SLC24A2: variants seen among roughly 807,000 people sequenced by gnomAD.
The protein encoded by SLC24A2 is sodium/potassium/calcium exchanger 2.
Under a neutral mutation model 62.0 loss-of-function variants are expected in SLC24A2, and 36 were observed. The ratio of observed to expected loss-of-function variants is 0.58; its 90% CI spans 0.44 to 0.77. The LOEUF is 0.77. Among genes scored for constraint, SLC24A2 ranks in the 30% least tolerant of loss-of-function variants. The pLI is 0.00. For synonymous variants in SLC24A2, 358 were observed against 294.0 expected (o/e 1.22, Z -2.23); for missense variants, 846 against 817.9 (o/e 1.03, Z -0.42).
At chr9:20,266,309 T>C in the SLC24A2 span, among the ~76,000 whole-genome samples, 1 of 152,170 alleles carries the variant, frequency 6.6e-6, no homozygotes, top group Non-Finnish European at 1.5e-5. Context: ...TTAAAATTTC[T>C]CTCTTTTGTA....
the SLC24A2 span, among the ~76,000 whole-genome samples, chr9:19,958,433 C>G: frequency 9.8e-5 from 15 of 152,300 alleles, no homozygotes; most frequent in Admixed American, 7.2e-4. Flanking sequence ...TCCTGCAACC[C>G]AAGCTCCACA....
rs1379221442 is a variant in SLC24A2, at chr9:19,508,909, G to C, written c.*7244C>G. ...AGTGTACCATACTAGGTTAGAAATT[G>C]TGTATTTTAGCGGAGAGGAGGAAAA... On this transcript the variant is annotated 3_prime_UTR_variant, in exon 11 of 11. Transcript: ENST00000341998. 6.6e-6 allele frequency: 1 copy of C among 152,174 alleles called. No individual in the cohort carries two copies. Among genetic ancestry groups the C allele is most frequent in the Non-Finnish European group, 1.5e-5 (1 of 68,044 alleles). The allele number at this position is 152,174 out of a possible 1,614,324, so 9.4% of individuals were successfully genotyped here. A position where few individuals can be genotyped will look rare whatever the true frequency, so the allele number is the denominator to read the frequency against.
At chr9:20,248,538 G>T in the SLC24A2 span, among the ~76,000 whole-genome samples, 1 of 152,094 alleles carries the variant, frequency 6.6e-6, no homozygotes, top group Admixed American at 6.5e-5. Context: ...AAAGGGGCAG[G>T]CTCTCTTGTG....
At chr9:20,048,124 T>C in the SLC24A2 span, among the ~76,000 whole-genome samples, 1 of 152,296 alleles carries the variant, frequency 6.6e-6, no homozygotes, top group East Asian at 1.9e-4. Context: ...CATTACTACA[T>C]GCCAGGAACA....
chr9:19,825,502 C>T, the SLC24A2 span, among the ~76,000 whole-genome samples: 1 of 151,954 alleles, frequency 6.6e-6, no homozygotes, highest in Admixed American at 6.6e-5. Context: ...AATGGGGACT[C>T]ATTCAATATG....
the SLC24A2 span, among the ~76,000 whole-genome samples, chr9:20,099,360 T>G: frequency 6.6e-6 from 1 of 152,236 alleles, no homozygotes; most frequent in Admixed American, 6.5e-5. Context: ...TTACCTTTAT[T>G]TCCTTCTTCT....
At chr9:19,680,249 T>G (rs749744562) in intron 2 of SLC24A2, among the ~76,000 whole-genome samples, 11 of 152,098 alleles carry the variant, frequency 7.2e-5, no homozygotes, top group Non-Finnish European at 1.6e-4. Flanking sequence ...AGGTGTCCCT[T>G]CAGCTGAGTT....
chr9:19,547,646 G>A (rs1347623892), intron 8 of SLC24A2, among the ~76,000 whole-genome samples: 3 of 151,488 alleles, frequency 2.0e-5, no homozygotes, highest in Non-Finnish European at 2.9e-5. Context: ...TCCCATTCCT[G>A]CACATCTTCC....
At chr9:20,042,526 C>A in the SLC24A2 span, among the ~76,000 whole-genome samples, 1 of 152,198 alleles carries the variant, frequency 6.6e-6, no homozygotes, top group African/African-American at 2.4e-5. Context: ...GGAGAAAGCA[C>A]CCACCAAGGT....
the SLC24A2 span, among the ~76,000 whole-genome samples, chr9:20,113,865 C>G: frequency 6.6e-6 from 1 of 152,058 alleles, no homozygotes; most frequent in Non-Finnish European, 1.5e-5. Context: ...CCACATAAAA[C>G]AACTAAAGCA....
At chr9:20,213,889 T>TAGGTATGTAAGATAG in the SLC24A2 span, among the ~76,000 whole-genome samples, 1 of 152,222 alleles carries the variant, frequency 6.6e-6, no homozygotes, top group Non-Finnish European at 1.5e-5. Context: ...GGTATTATGA[T>TAGGTATGTAAGATAG]CTATATCATT....
chr9:20,036,706 T>C, the SLC24A2 span, among the ~76,000 whole-genome samples: 11 of 152,312 alleles, frequency 7.2e-5, 1 homozygote, highest in African/African-American at 2.4e-4. Flanking sequence ...ATTGTGTATA[T>C]ACAGTCATCT....
At chr9:19,782,790 A>G (rs533829034) in intron 2 of SLC24A2, among the ~76,000 whole-genome samples, 4 of 152,284 alleles carry the variant, frequency 2.6e-5, no homozygotes, top group African/African-American at 9.6e-5. Flanking sequence ...AATTTTACCA[A>G]TCTTATGAAG....
chr9:19,507,641 T>C lies in SLC24A2; in HGVS notation c.*8512A>G, dbSNP rs1832548802. 1 of 152,244 alleles carries C rather than the reference T, an allele frequency of 6.6e-6. No individual in the cohort carries two copies. The highest frequency in any genetic ancestry group is 6.5e-5 in the Admixed American group (1 of 15,276). 9.4% of individuals were successfully genotyped at this position (152,244 alleles called of 1,614,324 possible). On this transcript the variant is annotated 3_prime_UTR_variant, in exon 11 of 11. Transcript: ENST00000341998. ...AAGTACATACTTCAGACAGCCTATG[T>C]ACAAATAAGTAGAGCTTCCTGTCTA...
At chr9:19,758,431 C>T (rs1039314175) in intron 2 of SLC24A2, among the ~76,000 whole-genome samples, 4 of 152,064 alleles carry the variant, frequency 2.6e-5, no homozygotes, top group African/African-American at 7.2e-5. Context: ...GGAGGAACAA[C>T]CATAAATAAC....
the SLC24A2 span, among the ~76,000 whole-genome samples, chr9:19,933,131 G>C: frequency 5.3e-5 from 8 of 152,124 alleles, no homozygotes; most frequent in Admixed American, 5.2e-4. Context: ...CAGAACCATG[G>C]GCCAAAAAAG....
At chr9:20,007,367 T>A in the SLC24A2 span, among the ~76,000 whole-genome samples, 2 of 152,132 alleles carry the variant, frequency 1.3e-5, no homozygotes, top group Non-Finnish European at 2.9e-5. Context: ...AAAAGGTGCA[T>A]TGATTAACTG....
chr9:19,540,333 G>T (rs960757098), intron 8 of SLC24A2, among the ~76,000 whole-genome samples: 1 of 144,776 alleles, frequency 6.9e-6, no homozygotes, highest in African/African-American at 2.7e-5. Context: ...TGATTTTGCA[G>T]CGGCTGGTAC....
At chr9:20,039,298 G>A in the SLC24A2 span, among the ~76,000 whole-genome samples, 1 of 152,084 alleles carries the variant, frequency 6.6e-6, no homozygotes, top group Non-Finnish European at 1.5e-5. Context: ...CTGTCCTGGT[G>A]TACTGCAGGG....
Sources: allele counts gnomAD v4.1 joint callset (sites outside exome capture counted in the v4.1 genomes callset), GRCh38; gene constraint gnomAD v4.1.1; transcripts MANE v1.5; gene names NCBI Gene and HGNC (gene_info 2026-07-23, HGNC 2026-07-21).